The following RIT2 variants were observed in gnomAD, a reference collection of about 807,000 sequenced individuals.
The protein encoded by RIT2 is Ras like without CAAX 2, also known as GTP-binding protein Rit2.
In RIT2, 24 loss-of-function variants were observed where a neutral mutation model predicts 23.7. That is an observed-to-expected ratio of 1.01 (90% CI 0.73 to 1.43). The LOEUF (loss-of-function observed/expected upper bound fraction) is 1.43, where lower values mean the gene tolerates loss of function less well. Among genes scored for constraint, RIT2 ranks in the 40% most tolerant of loss-of-function variants. The probability of loss-of-function intolerance (pLI) is 0.00; values close to 1 mark genes in which losing one functional copy is unlikely to be tolerated. For missense variants in RIT2, 236 were observed against 266.9 expected (o/e 0.88, Z 0.81); for synonymous variants, 107 against 91.1 (o/e 1.17, Z -0.99).
At chr18:43,069,733 C>T (rs1039951038) in intron 1 of RIT2, among the ~76,000 whole-genome samples, 15 of 152,104 alleles carry the variant, frequency 9.9e-5, no homozygotes, top group African/African-American at 3.6e-4. Flanking sequence ...TGGGTTTGGT[C>T]CCTACTGCAT....
intron 1 of RIT2, among the ~76,000 whole-genome samples, chr18:43,097,912 C>A (rs751154622): frequency 1.3e-5 from 2 of 151,874 alleles, no homozygotes; most frequent in Admixed American, 6.6e-5. Flanking sequence ...AAATTAAACA[C>A]AAATGGATAT....
intron 1 of RIT2, among the ~76,000 whole-genome samples, chr18:43,057,280 C>T (rs1480373336): frequency 6.6e-6 from 1 of 152,052 alleles, no homozygotes; most frequent in Non-Finnish European, 1.5e-5. Flanking sequence ...CACAATCTTA[C>T]TTATTGTTTG....
chr18:43,016,885 T>C (rs1911487609), intron 2 of RIT2, among the ~76,000 whole-genome samples: 1 of 151,920 alleles, frequency 6.6e-6, no homozygotes, highest in African/African-American at 2.4e-5. Flanking sequence ...CCAGGAACCA[T>C]ATCAACATAG....
At chr18:43,040,677 A>G (rs1912106709) in intron 1 of RIT2, among the ~76,000 whole-genome samples, 1 of 152,208 alleles carries the variant, frequency 6.6e-6, no homozygotes, top group South Asian at 2.1e-4. Flanking sequence ...CCTCCTAACT[A>G]CTATGAGATG....
intron 1 of RIT2, among the ~76,000 whole-genome samples, chr18:43,072,828 A>G (rs1912928227): frequency 1.3e-5 from 2 of 152,230 alleles, no homozygotes; most frequent in South Asian, 4.1e-4. Context: ...ACAAAGATAC[A>G]AGAAAATTTC....
At chr18:42,839,687 T>C (rs946639658) in intron 4 of RIT2, among the ~76,000 whole-genome samples, 6 of 152,238 alleles carry the variant, frequency 3.9e-5, no homozygotes, top group Non-Finnish European at 8.8e-5. Flanking sequence ...ATTTAGCAAG[T>C]ACTTAATATT....
intron 4 of RIT2, among the ~76,000 whole-genome samples, chr18:42,752,589 C>T (rs569612522): frequency 1.3e-5 from 2 of 152,136 alleles, no homozygotes; most frequent in Non-Finnish European, 2.9e-5. Context: ...ATGGGGAAAC[C>T]TTTCCAGTCT....
At chr18:42,894,463 A>G (rs1028487564) in intron 4 of RIT2, among the ~76,000 whole-genome samples, 36 of 152,218 alleles carry the variant, frequency 2.4e-4, no homozygotes, top group African/African-American at 8.2e-4. Flanking sequence ...GTATTTAACA[A>G]AATAATTATT....
At chr18:43,058,684 C>T (rs1345942746) in intron 1 of RIT2, among the ~76,000 whole-genome samples, 7 of 151,902 alleles carry the variant, frequency 4.6e-5, no homozygotes, top group African/African-American at 9.7e-5. Context: ...CCCAGGAGTT[C>T]GAGACCAGCC....
At position 43,033,854 on chromosome 18, in the gene RIT2, C is replaced by T; in HGVS notation, c.117G>A (p.Gln39=). 6.2e-7 allele frequency: 1 copy of T among 1,606,252 alleles called. No individual in the cohort carries two copies. The highest frequency in any genetic ancestry group is 8.5e-7 in the Non-Finnish European group (1 of 1,174,420). ...GGVGKSAMTM[Q]FISHQFPDYH... is the part of the protein sequence containing the mutation. Reference sequence around the variant, plus strand: ...AATCAGGGAACTGATGACTAATAAACTGCATTGTCATTGCTGAAAGAAAAA... The same window carrying T: ...AATCAGGGAACTGATGACTAATAAATTGCATTGTCATTGCTGAAAGAAAAA... Residue 39 remains glutamine, a synonymous_variant, in exon 2 of 5, where the codon CAG becomes CAA. Coordinates refer to ENST00000326695, the MANE Select transcript of RIT2 (RefSeq NM_002930.4).
Position 43,033,827 on chromosome 18 carries a change from A to T in RIT2, c.144T>A (p.Tyr48Ter). ...MQFISHQFPD[Y>*]HDPTIEDAYK... ...TCCACTTACCTATAGTAGGGTCATG[A>T]TAATCAGGGAACTGATGACTAATAA... Residue 48 changes from tyrosine (Y) to a stop codon, truncating the protein, a stop_gained, in exon 2 of 5, where the codon TAT (tyrosine) becomes TAA (stop). Coordinates refer to ENST00000326695, the MANE Select transcript of RIT2 (RefSeq NM_002930.4). LOFTEE classifies it high-confidence loss of function. The T allele has an allele frequency of 6.2e-7, 1 of 1,608,914 alleles. No individual in the cohort carries two copies. Among genetic ancestry groups the T allele is most frequent in the Non-Finnish European group, 8.5e-7 (1 of 1,175,870 alleles).
intron 1 of RIT2, among the ~76,000 whole-genome samples, chr18:43,107,202 T>A (rs1369438852): frequency 6.6e-6 from 1 of 152,192 alleles, no homozygotes; most frequent in Non-Finnish European, 1.5e-5. Flanking sequence ...GTCAGGAGAC[T>A]CTAGTCCCAA....
At chr18:43,114,221 T>C (rs1198321153) in intron 1 of RIT2, among the ~76,000 whole-genome samples, 1 of 152,186 alleles carries the variant, frequency 6.6e-6, no homozygotes, top group Non-Finnish European at 1.5e-5. Flanking sequence ...CACATCCAGA[T>C]GTACCTATTT....
intron 4 of RIT2, among the ~76,000 whole-genome samples, chr18:42,892,257 C>T (rs886706875): frequency 2.0e-5 from 3 of 152,064 alleles, no homozygotes; most frequent in African/African-American, 7.2e-5. Flanking sequence ...TGTTAAAAAA[C>T]CTTTCATATG....
At chr18:42,933,780 G>A (rs2144148290) in intron 3 of RIT2, among the ~76,000 whole-genome samples, 1 of 152,144 alleles carries the variant, frequency 6.6e-6, no homozygotes, top group East Asian at 1.9e-4. Context: ...AGCACTTTGG[G>A]AGGCTGAGGC....
intron 1 of RIT2, among the ~76,000 whole-genome samples, chr18:43,039,089 C>G (rs1020157305): frequency 2.0e-5 from 3 of 152,122 alleles, no homozygotes; most frequent in African/African-American, 7.2e-5. Flanking sequence ...CCCTGAGAAG[C>G]AGATTGTCAG....
At chr18:43,096,866 T>G (rs908722899) in intron 1 of RIT2, among the ~76,000 whole-genome samples, 1 of 151,876 alleles carries the variant, frequency 6.6e-6, no homozygotes, top group Non-Finnish European at 1.5e-5. Context: ...GTTTCTTGAA[T>G]AAGTAAATTT....
intron 2 of RIT2, among the ~76,000 whole-genome samples, chr18:42,989,377 A>G (rs1910787324): frequency 6.6e-6 from 1 of 152,182 alleles, no homozygotes; most frequent in Non-Finnish European, 1.5e-5. Context: ...AACCTACAAC[A>G]GCACTATGCA....
At chr18:42,856,428 C>T (rs1907183613) in intron 4 of RIT2, among the ~76,000 whole-genome samples, 1 of 152,200 alleles carries the variant, frequency 6.6e-6, no homozygotes, top group South Asian at 2.1e-4. Flanking sequence ...GTTGAGCCTA[C>T]ACATAAAACT....
Sources: allele counts gnomAD v4.1 joint callset (sites outside exome capture counted in the v4.1 genomes callset), GRCh38; gene constraint gnomAD v4.1.1; transcripts MANE v1.5; gene names NCBI Gene and HGNC (gene_info 2026-07-23, HGNC 2026-07-21).